The following KANK1 variants were observed in gnomAD, a reference collection of about 807,000 sequenced individuals.
The protein encoded by KANK1 is KN motif and ankyrin repeat domains 1, also known as KN motif and ankyrin repeat domain-containing protein 1.
A neutral mutation model predicts 106.2 loss-of-function variants in KANK1; 109 were observed. That is an observed-to-expected ratio of 1.03 (90% CI 0.88 to 1.20). KANK1 has a LOEUF of 1.20. KANK1 is among the 50% of genes most tolerant of loss of function. The pLI is 0.00. For missense variants in KANK1, 2,399 were observed against 1,710.7 expected, an observed-to-expected ratio of 1.40 and a Z score of -7.10; for synonymous variants, 873 against 652.2, an observed-to-expected ratio of 1.34 and a Z score of -5.16.
intron 3 of KANK1, among the ~76,000 whole-genome samples, chr9:719,690 A>G (rs1828794123): frequency 6.6e-6 from 1 of 152,230 alleles, no homozygotes; most frequent in Admixed American, 6.5e-5. Flanking sequence ...AATGTTACAC[A>G]GAAGACTGGA....
intron 1 of KANK1, among the ~76,000 whole-genome samples, chr9:527,956 C>T (rs1410175716): frequency 6.6e-6 from 1 of 151,738 alleles, no homozygotes; most frequent in Admixed American, 6.6e-5. Context: ...ATGGTGAAAC[C>T]CTGTCTGTAC....
chr9:584,624 G>C (rs1042598968), intron 1 of KANK1, among the ~76,000 whole-genome samples: 1 of 152,148 alleles, frequency 6.6e-6, no homozygotes, highest in Admixed American at 6.5e-5. Flanking sequence ...CTTAGCATTT[G>C]AGACTTGATA....
chr9:521,007 T>C (rs1452084610), intron 1 of KANK1, among the ~76,000 whole-genome samples: 1 of 151,920 alleles, frequency 6.6e-6, no homozygotes, highest in East Asian at 1.9e-4. Flanking sequence ...ATGGGGCCTT[T>C]TGACAGAAAT....
At chr9:666,778 G>C (rs76978206) in intron 1 of KANK1, among the ~76,000 whole-genome samples, 1 of 151,988 alleles carries the variant, frequency 6.6e-6, no homozygotes, top group Non-Finnish European at 1.5e-5. Context: ...TTGCATCCCT[G>C]GGGTGAATCC....
At chr9:617,085 G>A (rs1447599912) in intron 1 of KANK1, among the ~76,000 whole-genome samples, 2 of 151,932 alleles carry the variant, frequency 1.3e-5, no homozygotes, top group Admixed American at 6.6e-5. Context: ...ATATACTACC[G>A]TAAGTGAATG....
At chr9:706,910 G>A (rs1214977550) in intron 2 of KANK1, 2 of 985,364 alleles carry the variant, frequency 2.0e-6, no homozygotes, top group Non-Finnish European at 1.2e-6. Flanking sequence ...CCTCTCTGTA[G>A]AGATGCTTAA....
chr9:592,548 A>G lies in KANK1; in HGVS notation c.-83-84342A>G, dbSNP rs1388859676. 2.0e-5 allele frequency among the ~76,000 whole-genome samples: 3 copies of G among 151,960 alleles called. No homozygotes were observed. In the East Asian group the frequency reaches 5.8e-4, roughly 29 times the overall value. On this transcript the variant is annotated intron_variant, in intron 1 of 11. Transcript: ENST00000382297. ...ACGTTTTTTCATCCATCGCTCAGCC[A>G]GAATCTGCCGGTCAGACCTGGCAAG... is the stretch of plus-strand genomic sequence containing the variant.
intron 3 of KANK1, among the ~76,000 whole-genome samples, chr9:499,407 A>C (rs2058512037): frequency 6.6e-6 from 1 of 152,196 alleles, no homozygotes; most frequent in African/African-American, 2.4e-5. Flanking sequence ...CCAGCAATAA[A>C]AAGGAAAGAT....
rs182442779 is a variant in KANK1 at position 674,828 on chromosome 9, C to G, written c.-83-2062C>G. On this transcript the variant is annotated intron_variant, in intron 1 of 11. Coordinates refer to ENST00000382297, the MANE Select transcript of KANK1 (RefSeq NM_015158.5). ...AAGTGGTTCTGGTGCCTCAGCCTCC[C>G]GAGTAGCTGGGATTACAGGCGTGCA... Among the ~76,000 whole-genome samples, 504 of 152,074 alleles carry G rather than the reference C, an allele frequency of 3.3e-3. 9 individuals are homozygous for G. Among genetic ancestry groups the G allele is most frequent in the African/African-American group, 0.012 (494 of 41,448 alleles).
intron 1 of KANK1, among the ~76,000 whole-genome samples, chr9:513,425 T>G (rs1404316670): frequency 6.6e-6 from 1 of 151,836 alleles, no homozygotes; most frequent in Non-Finnish European, 1.5e-5. Context: ...TGTTTTGGGT[T>G]TTTTCTTTTT....
chr9:618,967 G>A (rs12378584), intron 1 of KANK1, among the ~76,000 whole-genome samples: 57,039 of 152,088 alleles, frequency 0.38, 12,204 homozygotes, highest in South Asian at 0.56. Context: ...CTTATTTTCA[G>A]GCACCTTGTG....
intron 1 of KANK1, among the ~76,000 whole-genome samples, chr9:565,778 A>T (rs1817650907): frequency 6.6e-6 from 1 of 152,230 alleles, no homozygotes. Context: ...CGCAAGAGTG[A>T]TGCTATTTAC....
intron 1 of KANK1, among the ~76,000 whole-genome samples, chr9:511,744 C>G (rs895772655): frequency 1.3e-5 from 2 of 152,272 alleles, no homozygotes; most frequent in East Asian, 3.9e-4. Flanking sequence ...AAACAAAACT[C>G]ATCATTCTTG....
intron 1 of KANK1, among the ~76,000 whole-genome samples, chr9:661,379 G>A (rs1843278037): frequency 6.6e-6 from 1 of 151,806 alleles, no homozygotes; most frequent in Non-Finnish European, 1.5e-5. Flanking sequence ...GCAGTGTCTG[G>A]TTTTCTGTCC....
At chr9:641,374 A>G (rs1226845270) in intron 1 of KANK1, among the ~76,000 whole-genome samples, 1 of 152,296 alleles carries the variant, frequency 6.6e-6, no homozygotes, top group African/African-American at 2.4e-5. Flanking sequence ...TGCTTTGGTC[A>G]TTGGAAGGAA....
chr9:567,862 T>TTA (rs1818197113), intron 1 of KANK1, among the ~76,000 whole-genome samples: 2 of 152,340 alleles, frequency 1.3e-5, no homozygotes, highest in Admixed American at 1.3e-4. Context: ...TGCAGATGTT[T>TTA]TATAACTTTA....
intron 1 of KANK1, among the ~76,000 whole-genome samples, chr9:659,741 T>G (rs1393749805): frequency 6.6e-6 from 1 of 151,774 alleles, no homozygotes; most frequent in Non-Finnish European, 1.5e-5. Context: ...AAACAACCAG[T>G]TCTCGGGGGA....
chr9:593,167 T>C (rs1395317619), intron 1 of KANK1, among the ~76,000 whole-genome samples: 1 of 151,868 alleles, frequency 6.6e-6, no homozygotes, highest in African/African-American at 2.4e-5. Context: ...GCCTCTTATC[T>C]CTAGATGTGG....
intron 2 of KANK1, chr9:684,691 T>C (rs1298622473): frequency 1.9e-6 from 1 of 538,326 alleles, no homozygotes; most frequent in Non-Finnish European, 2.3e-6. Context: ...AGGGTTTGCC[T>C]TCTTCCTGTG....
Sources: allele counts gnomAD v4.1 joint callset (sites outside exome capture counted in the v4.1 genomes callset), GRCh38; gene constraint gnomAD v4.1.1; transcripts MANE v1.5; gene names NCBI Gene and HGNC (gene_info 2026-07-23, HGNC 2026-07-21).